Variants in EXOC3L4 observed in about 807,000 individuals in gnomAD.
The protein encoded by EXOC3L4 is exocyst complex component 3 like 4, also known as exocyst complex component 3-like protein 4.
In EXOC3L4, 62 loss-of-function variants were observed where a neutral mutation model predicts 69.7. The ratio of observed to expected loss-of-function variants is 0.89; its 90% CI spans 0.72 to 1.10. EXOC3L4 has a LOEUF of 1.10. Ranked by LOEUF, EXOC3L4 falls within the 50% of genes least tolerant of loss-of-function variation. EXOC3L4 has a pLI of 0.00. For missense variants in EXOC3L4, 1,087 were observed against 1,034.8 expected, an observed-to-expected ratio of 1.05 and a Z score of -0.69; for synonymous variants, 502 against 464.2, an observed-to-expected ratio of 1.08 and a Z score of -1.05.
At chr14:103,098,916 AAGGT>A (rs1890022545) in intron 1 of EXOC3L4, 1 of 152,100 alleles carries the variant, frequency 6.6e-6, no homozygotes, top group Non-Finnish European at 1.5e-5. Context: ...AACCTCAAGG[AAGGT>A]AGGTAGGCTG....
chr14:103,108,652 C>G, intron 11 of EXOC3L4, 135 bp downstream of exon 11: 1 of 1,215,932 alleles, frequency 8.2e-7, no homozygotes, highest in Non-Finnish European at 1.1e-6. Flanking sequence ...GCCTTGGACC[C>G]TCAGACCCTC....
intron 1 of EXOC3L4, among the ~76,000 whole-genome samples, chr14:103,095,942 C>T (rs1370450762): frequency 6.6e-6 from 1 of 152,174 alleles, no homozygotes; most frequent in Non-Finnish European, 1.5e-5. Flanking sequence ...ATTGCCTTAA[C>T]TAGTTCTTCC....
chr14:103,108,267 G>C, intron 10 of EXOC3L4, 129 bp from the exon 11 acceptor site: 1 of 1,398,224 alleles, frequency 7.2e-7, no homozygotes, highest in Non-Finnish European at 9.7e-7. Flanking sequence ...TCCCGGCACC[G>C]AGCCAGAGTG....
intron 6 of EXOC3L4, 39 bp downstream of exon 6, chr14:103,104,877 G>T (rs1890446371): frequency 2.0e-6 from 3 of 1,531,250 alleles, no homozygotes; most frequent in South Asian, 2.5e-5. Flanking sequence ...ACCTGGCCGG[G>T]TGCGCTCTGC....
intron 6 of EXOC3L4, 60 bp from the exon 7 acceptor site, chr14:103,104,932 G>T (rs1890449199): frequency 6.3e-7 from 1 of 1,580,030 alleles, no homozygotes; most frequent in African/African-American, 1.4e-5. Flanking sequence ...TGGGAGGGTG[G>T]ACCCAGGGTC....
chr14:103,107,879 TG>T (rs1595254990), intron 10 of EXOC3L4, 96 bp downstream of exon 10: 2 of 1,428,338 alleles, frequency 1.4e-6, no homozygotes, highest in East Asian at 5.1e-5. Flanking sequence ...TTGGCAGGAG[TG>T]GTTCTCCCCA....
Position 103,099,364 on chromosome 14 carries a change from C to T in EXOC3L4, c.-16-840C>T, listed in dbSNP as rs114918162. The stretch of plus-strand genomic sequence containing the variant: ...AGGGCCCTGGGGGAGCAGGAGCAGC[C>T]GCAGCTCAGCCACCCCCATGTCCCT... On this transcript the variant is annotated intron_variant, in intron 1 of 11. Transcript: ENST00000688303. Among the ~76,000 whole-genome samples, 1,237 of 152,278 alleles carry T rather than the reference C, an allele frequency of 8.1e-3. 25 individuals carry two copies. Among genetic ancestry groups the T allele is most frequent in the African/African-American group, 0.029 (1,192 of 41,546 alleles).
At position 103,110,107 on chromosome 14, in the gene EXOC3L4, C is replaced by T; in HGVS notation, c.2053C>T (p.Gln685Ter). ...QRNQHLLQHT[Q>*]DLLRAAAGAA... ...GAACCAGCATCTCTTGCAGCACACT[C>T]AAGACCTGCTGAGAGCTGCGGCCGG... is the stretch of plus-strand genomic sequence containing the variant. The change falls in exon 12 of 12, where the codon CAA (glutamine) becomes TAA (stop). Residue 685 changes from glutamine (Q) to a stop codon, truncating the protein, a stop_gained. Coordinates refer to ENST00000688303, the MANE Select transcript of EXOC3L4 (RefSeq NM_001077594.2). LOFTEE classifies it low-confidence loss of function (END_TRUNC). 2 of 1,586,672 alleles carry T rather than the reference C, an allele frequency of 1.3e-6. No homozygotes were observed. Among genetic ancestry groups the T allele is most frequent in the Non-Finnish European group, 8.6e-7 (1 of 1,167,156 alleles).
Position 103,104,857 on chromosome 14 carries a change from T to G in EXOC3L4, c.1385+19T>G. 1 of 1,513,318 alleles carries G rather than the reference T, an allele frequency of 6.6e-7. No homozygotes were observed. The highest frequency in any genetic ancestry group is 2.1e-5 in the Admixed American group (1 of 46,886). 93.7% of individuals were successfully genotyped at this position (1,513,318 alleles called of 1,614,324 possible). A position where few individuals can be genotyped will look rare whatever the true frequency, so the allele number is the denominator to read the frequency against. Reference sequence around the variant, plus strand: ...TGCCCAGGTGCGGACGCATCCTCAGTAGGGGAGCGACCTGGCCGGGTGCGC... The same window carrying G: ...TGCCCAGGTGCGGACGCATCCTCAGGAGGGGAGCGACCTGGCCGGGTGCGC... On this transcript the variant is annotated intron_variant, in intron 6 of 11. Coordinates refer to ENST00000688303, the MANE Select transcript of EXOC3L4 (RefSeq NM_001077594.2).
chr14:103,107,594 T>TTGACCCTGACCC (rs749944424), intron 9 of EXOC3L4, 37 bp from the exon 10 acceptor site: 2 of 1,609,560 alleles, frequency 1.2e-6, no homozygotes, highest in Non-Finnish European at 1.7e-6. Context: ...ATTGGGGCTG[T>TTGACCCTGACCC]TGACCCTGAC....
chr14:103,109,773 G>A (rs915982450), intron 11 of EXOC3L4, among the ~76,000 whole-genome samples: 4 of 144,308 alleles, frequency 2.8e-5, no homozygotes, highest in African/African-American at 5.1e-5. Context: ...CTCCCTCCAC[G>A]CCTTTGCGTG....
intron 7 of EXOC3L4, among the ~76,000 whole-genome samples, chr14:103,105,534 G>T (rs538607100): frequency 4.1e-4 from 62 of 152,238 alleles, no homozygotes; most frequent in African/African-American, 1.4e-3. Flanking sequence ...GCTGAGCAGA[G>T]GCCGAGGGGT....
intron 1 of EXOC3L4, among the ~76,000 whole-genome samples, chr14:103,095,800 T>C (rs913060212): frequency 6.6e-6 from 1 of 152,270 alleles, no homozygotes; most frequent in Non-Finnish European, 1.5e-5. Context: ...CAAAATTTAC[T>C]AAACCCTTTT....
At position 103,100,395 on chromosome 14, in the gene EXOC3L4, G is replaced by A. The variant is rs199797548; in HGVS notation, c.176G>A (p.Arg59Gln). ...GLGSLRQAFS[R>Q]ASQRALTQVS... ...GGCTCCCTGAGGCAGGCCTTCTCCC[G>A]GGCCAGCCAGCGGGCTTTGACCCAG... is the stretch of plus-strand genomic sequence containing the variant. The change falls in exon 2 of 12, where the codon CGG becomes CAG. Residue 59 changes from arginine (R) to glutamine (Q), a missense_variant. Physicochemically the swap from Arg to Gln is conservative, Grantham distance 43. Transcript: ENST00000688303. 3.4e-5 allele frequency: 55 copies of A among 1,610,514 alleles called. No individual in the cohort carries two copies. Among genetic ancestry groups the A allele is most frequent in the Non-Finnish European group, 4.6e-5 (54 of 1,178,542 alleles).
intron 1 of EXOC3L4, among the ~76,000 whole-genome samples, chr14:103,099,494 T>C (rs1595234804): frequency 6.6e-6 from 1 of 151,966 alleles, no homozygotes; most frequent in Non-Finnish European, 1.5e-5. Context: ...GGAAACAGCA[T>C]TGAGAACCCC....
rs757839394 is a variant in EXOC3L4 at position 103,097,732 on chromosome 14, G to A, written c.-16-2472G>A. 5.3e-5 allele frequency among the ~76,000 whole-genome samples: 8 copies of A among 152,186 alleles called. No homozygotes were observed. Among genetic ancestry groups the A allele is most frequent in the South Asian group, 2.1e-4 (1 of 4,830 alleles). On this transcript the variant is annotated intron_variant, in intron 1 of 11. Transcript: ENST00000688303. The surrounding 1 kb of genome is among the most constrained non-coding windows in gnomAD (Gnocchi z 4.9). Reference sequence around the variant, plus strand: ...CGGTGGTGCAAGGCATCTGAACCCCGAGGTCCTGAAACCCAAGTCAGGTTT... The same window carrying A: ...CGGTGGTGCAAGGCATCTGAACCCCAAGGTCCTGAAACCCAAGTCAGGTTT...
chr14:103,107,915 TG>T, intron 10 of EXOC3L4, 132 bp downstream of exon 10: 2 of 1,204,674 alleles, frequency 1.7e-6, no homozygotes, highest in Non-Finnish European at 2.2e-6. Flanking sequence ...GAACAGGGAC[TG>T]GGGCGCCTGT....
chr14:103,103,857 T>C (rs1261232521), intron 3 of EXOC3L4, 84 bp from the exon 4 acceptor site: 1 of 843,118 alleles, frequency 1.2e-6, no homozygotes, highest in South Asian at 1.6e-5. Context: ...GGATTGGCGT[T>C]AGACTTTGAG....
chr14:103,103,790 G>T, intron 3 of EXOC3L4, 151 bp from the exon 4 acceptor site: 1 of 501,194 alleles, frequency 2.0e-6, no homozygotes, highest in Non-Finnish European at 3.5e-6. Flanking sequence ...GCCTAGAGGC[G>T]CGCGCGCGTG....
Sources: allele counts gnomAD v4.1 joint callset (sites outside exome capture counted in the v4.1 genomes callset), GRCh38; gene constraint gnomAD v4.1.1; non-coding constraint Gnocchi (gnomAD v3.1); transcripts MANE v1.5; gene names NCBI Gene and HGNC (gene_info 2026-07-23, HGNC 2026-07-21).